The following FRMD4A variants were observed in gnomAD, a reference collection of about 807,000 sequenced individuals.
The protein encoded by FRMD4A is FERM domain containing 4A, also known as FERM domain-containing protein 4A.
In FRMD4A, 29 loss-of-function variants were observed where a neutral mutation model predicts 129.1. The ratio of observed to expected loss-of-function variants is 0.22; its 90% CI spans 0.17 to 0.31. The LOEUF (loss-of-function observed/expected upper bound fraction) is 0.31, where lower values mean the gene tolerates loss of function less well. Ranked by LOEUF, FRMD4A falls within the 10% of genes least tolerant of loss-of-function variation. FRMD4A has a pLI of 1.00. For missense variants in FRMD4A, 1,272 were observed against 1,375.8 expected (o/e 0.92, Z 1.19); for synonymous variants, 634 against 571.6 (o/e 1.11, Z -1.56).
At chr10:13,957,863 G>T (rs1376266454) in intron 2 of FRMD4A, among the ~76,000 whole-genome samples, 12 of 151,924 alleles carry the variant, frequency 7.9e-5, no homozygotes. Context: ...CACTTACAAA[G>T]TTGATTACAT....
intron 2 of FRMD4A, among the ~76,000 whole-genome samples, chr10:14,057,715 C>G (rs549845057): frequency 6.6e-6 from 1 of 152,158 alleles, no homozygotes; most frequent in Non-Finnish European, 1.5e-5. Flanking sequence ...GGATTACAGG[C>G]AGGGGCCACC....
intron 2 of FRMD4A, among the ~76,000 whole-genome samples, chr10:14,029,982 A>G (rs1398745414): frequency 6.6e-6 from 1 of 152,244 alleles, no homozygotes; most frequent in African/African-American, 2.4e-5. Context: ...TATTACGCTA[A>G]GTGAAAAATG....
At position 13,688,236 on chromosome 10, in the gene FRMD4A, C is replaced by T. The variant is rs528555319; in HGVS notation, c.1117+5662G>A. 2.9e-4 allele frequency among the ~76,000 whole-genome samples: 44 copies of T among 152,222 alleles called. No individual in the cohort carries two copies. The South Asian group carries it at 9.1e-3, about 32-fold the overall frequency. ...GCCATAAAAAATGATGAGTTCATGTCCTTTGTAGGGACATGGATGAAACTG... is the reference window on the plus strand; with the variant it reads ...GCCATAAAAAATGATGAGTTCATGTTCTTTGTAGGGACATGGATGAAACTG... On this transcript the variant is annotated intron_variant, in intron 15 of 24. Transcript: ENST00000357447.
intron 2 of FRMD4A, among the ~76,000 whole-genome samples, chr10:13,879,881 A>G (rs2094528436): frequency 6.6e-6 from 1 of 150,536 alleles, no homozygotes; most frequent in African/African-American, 2.4e-5. Flanking sequence ...CCTGGCCTCA[A>G]GCGATTCTCC....
intron 24 of FRMD4A, among the ~76,000 whole-genome samples, chr10:13,650,214 AT>A (rs771088040): frequency 4.6e-5 from 7 of 152,094 alleles, no homozygotes; most frequent in African/African-American, 1.7e-4. Context: ...AAACTGAATT[AT>A]TTTTTTAAAC....
chr10:13,798,696 G>A (rs1191105366), intron 4 of FRMD4A, among the ~76,000 whole-genome samples: 2 of 152,200 alleles, frequency 1.3e-5, no homozygotes, highest in African/African-American at 4.8e-5. Context: ...CAGCCTGGGT[G>A]ACAGAGCGAG....
At chr10:14,166,199 GAATA>G (rs1193381879) in intron 2 of FRMD4A, among the ~76,000 whole-genome samples, 43 of 150,024 alleles carry the variant, frequency 2.9e-4, no homozygotes, top group Admixed American at 1.8e-3. Context: ...ATAAATATAT[GAATA>G]AATATATACT....
intron 2 of FRMD4A, among the ~76,000 whole-genome samples, chr10:14,068,860 C>T (rs941636751): frequency 1.4e-4 from 22 of 151,950 alleles, no homozygotes; most frequent in African/African-American, 5.1e-4. Flanking sequence ...TTCATTCTCT[C>T]TCTCTCTTTC....
intron 3 of FRMD4A, among the ~76,000 whole-genome samples, chr10:13,814,580 C>CAAAAAAAAAAAAAAAAAAAAAAAA (rs553044764): frequency 2.4e-5 from 1 of 41,388 alleles, no homozygotes; most frequent in Non-Finnish European, 4.4e-5. Flanking sequence ...GACCCTGTTT[C>CAAAAAAAAAAAAAAAAAAAAAAAA]AAAAAAAAAA....
intron 2 of FRMD4A, among the ~76,000 whole-genome samples, chr10:14,175,063 A>G (rs1249822635): frequency 6.6e-6 from 1 of 152,222 alleles, no homozygotes. Context: ...GCAGTTGAAA[A>G]GATGAGATTT....
chr10:14,178,847 C>G lies in FRMD4A; in HGVS notation c.45+151211G>C, dbSNP rs186304119. On this transcript the variant is annotated intron_variant, in intron 2 of 24. Coordinates refer to ENST00000357447, the MANE Select transcript of FRMD4A (RefSeq NM_018027.5). ...TGAAATATTAATTAAGTTTACACCA[C>G]AAGAGAAAGGGAGTTTTCTCTGAAA... 2.6e-5 allele frequency among the ~76,000 whole-genome samples: 4 copies of G among 152,176 alleles called. No homozygotes were observed. The East Asian group carries it at 7.7e-4, about 29-fold the overall frequency.
At chr10:14,095,820 C>T (rs1056640968) in intron 2 of FRMD4A, among the ~76,000 whole-genome samples, 1 of 152,226 alleles carries the variant, frequency 6.6e-6, no homozygotes, top group African/African-American at 2.4e-5. Flanking sequence ...GAGGCCTCTT[C>T]CAGAGGGTGG....
chr10:13,944,961 A>T (rs756847068), intron 2 of FRMD4A, among the ~76,000 whole-genome samples: 4 of 152,184 alleles, frequency 2.6e-5, no homozygotes, highest in Non-Finnish European at 4.4e-5. Flanking sequence ...AGGTTGAGCC[A>T]TATTTATGTG....
intron 2 of FRMD4A, among the ~76,000 whole-genome samples, chr10:13,952,296 A>T (rs920973135): frequency 6.6e-6 from 1 of 151,900 alleles, no homozygotes; most frequent in Non-Finnish European, 1.5e-5. Context: ...CCAGGAGTTC[A>T]AGATTAGCTT....
chr10:13,681,712 T>C (rs1337764080), intron 15 of FRMD4A, among the ~76,000 whole-genome samples: 4 of 152,224 alleles, frequency 2.6e-5, no homozygotes, highest in African/African-American at 7.2e-5. Context: ...TTTGAGGTAA[T>C]AGGGCTGGGT....
rs1057308699 is a variant in FRMD4A at position 13,666,111 on chromosome 10, G to A, written c.1589C>T (p.Ser530Leu). ...TTGGCACTGACCGTCTATGATCAGCGAAGCCCTCTGGGTGGGTTTCTTCCC... is the reference window on the plus strand; with the variant it reads ...TTGGCACTGACCGTCTATGATCAGCAAAGCCCTCTGGGTGGGTTTCTTCCC... Reference protein sequence around the residue: ...KSGKKPTQRASLIIDDGNIAS... With the variant: ...KSGKKPTQRALLIIDDGNIAS... Residue 530 changes from serine to leucine, a missense_variant, in exon 18 of 25, where the codon TCG becomes TTG. Physicochemically the swap from Ser to Leu is moderately radical, Grantham distance 145. Coordinates refer to ENST00000357447, the MANE Select transcript of FRMD4A (RefSeq NM_018027.5). The A allele has an allele frequency of 3.1e-6, 5 of 1,606,338 alleles. No individual in the cohort carries two copies. Among genetic ancestry groups the A allele is most frequent in the South Asian group, 2.2e-5 (2 of 90,936 alleles).
chr10:14,328,100 C>G (rs1843351609), intron 2 of FRMD4A, among the ~76,000 whole-genome samples: 1 of 152,036 alleles, frequency 6.6e-6, no homozygotes, highest in African/African-American at 2.4e-5. Flanking sequence ...AAACATGAAC[C>G]AGAAAATGTA....
intron 2 of FRMD4A, among the ~76,000 whole-genome samples, chr10:14,245,963 G>A (rs1263685662): frequency 6.6e-6 from 1 of 152,156 alleles, no homozygotes; most frequent in Admixed American, 6.5e-5. Flanking sequence ...CCTGAAAGAG[G>A]ACACAGCAGC....
At chr10:14,244,415 C>A (rs1844160987) in intron 2 of FRMD4A, among the ~76,000 whole-genome samples, 2 of 152,228 alleles carry the variant, frequency 1.3e-5, no homozygotes, top group Non-Finnish European at 2.9e-5. Flanking sequence ...CATCTCATTG[C>A]TGGTGCAAGA....
Sources: gnomAD v4.1 joint callset for allele counts (sites outside exome capture counted in the v4.1 genomes callset) on GRCh38, gnomAD v4.1.1 for gene constraint, MANE v1.5 for transcripts, NCBI Gene and HGNC (gene_info 2026-07-23, HGNC 2026-07-21) for gene names.